NFIB: variants seen among roughly 807,000 people sequenced by gnomAD.
NFIB encodes nuclear factor 1 B-type.
In NFIB, 11 loss-of-function variants were observed where a neutral mutation model predicts 61.5. That is an observed-to-expected ratio of 0.18 (90% CI 0.11 to 0.30). The LOEUF (loss-of-function observed/expected upper bound fraction) is 0.30. Among genes scored for constraint, NFIB ranks in the 10% least tolerant of loss-of-function variants. The pLI is 1.00. For synonymous variants in NFIB, 260 were observed against 216.5 expected (o/e 1.20, Z -1.76); for missense variants, 471 against 608.9 (o/e 0.77, Z 2.38).
chr9:14,440,976 A>C, the NFIB span, among the ~76,000 whole-genome samples: 1 of 152,202 alleles, frequency 6.6e-6, no homozygotes, highest in African/African-American at 2.4e-5. Context: ...TATCATCATT[A>C]TGACAGCCAT....
At chr9:14,173,908 G>C (rs1206401792) in intron 3 of NFIB, among the ~76,000 whole-genome samples, 1 of 152,074 alleles carries the variant, frequency 6.6e-6, no homozygotes, top group African/African-American at 2.4e-5. Flanking sequence ...GTGGAGGCTG[G>C]GCATGGTGCC....
chr9:14,429,526 C>A, the NFIB span, among the ~76,000 whole-genome samples: 1 of 152,238 alleles, frequency 6.6e-6, no homozygotes, highest in Non-Finnish European at 1.5e-5. Flanking sequence ...GATAACATAA[C>A]AGTTAGGAGC....
rs371874282 is a variant in NFIB, at chr9:14,119,503, T to TC, written c.1245+936dup. On this transcript the variant is annotated intron_variant, in intron 8 of 10. Coordinates refer to ENST00000380953, the MANE Select transcript of NFIB (RefSeq NM_001190737.2). ...CAAATTAAGACCAAAGGGATTTTTTTCTCACCTTTCTTTGCTAATTTAAAT... is the reference window on the plus strand; with the variant it reads ...CAAATTAAGACCAAAGGGATTTTTTTCCTCACCTTTCTTTGCTAATTTAAAT... Among the ~76,000 whole-genome samples the TC allele has an allele frequency of 1.8e-3, 222 of 120,778 alleles. 1 individual carries two copies. Among genetic ancestry groups the TC allele is most frequent in the African/African-American group, 8.9e-3 (211 of 23,672 alleles). 79.2% of individuals were successfully genotyped at this position (120,778 alleles called of 152,430 possible).
intron 2 of NFIB, among the ~76,000 whole-genome samples, chr9:14,203,664 C>T (rs1587575283): frequency 1.3e-5 from 2 of 152,324 alleles, no homozygotes; most frequent in Admixed American, 6.5e-5. Context: ...CAAAGGCCAA[C>T]CCTGCTACCA....
At chr9:14,321,371 G>A (rs966040236) in intron 1 of NFIB, among the ~76,000 whole-genome samples, 1 of 152,082 alleles carries the variant, frequency 6.6e-6, no homozygotes, top group Non-Finnish European at 1.5e-5. Flanking sequence ...ACAATAGGAT[G>A]CCACAAATTC....
chr9:14,177,082 G>C (rs2046273077), intron 3 of NFIB, among the ~76,000 whole-genome samples: 1 of 152,144 alleles, frequency 6.6e-6, no homozygotes, highest in Non-Finnish European at 1.5e-5. Context: ...CTTGTATTTG[G>C]TATAACAATT....
the NFIB span, among the ~76,000 whole-genome samples, chr9:14,456,572 A>C: frequency 6.6e-6 from 1 of 152,190 alleles, no homozygotes; most frequent in South Asian, 2.1e-4. Context: ...ATTGGCTCTT[A>C]TTCATATGAA....
At chr9:14,215,946 T>G (rs748510033) in intron 2 of NFIB, among the ~76,000 whole-genome samples, 1 of 152,202 alleles carries the variant, frequency 6.6e-6, no homozygotes, top group Non-Finnish European at 1.5e-5. Flanking sequence ...TTGCTTTATG[T>G]AAATTCTCAG....
intron 1 of NFIB, among the ~76,000 whole-genome samples, chr9:14,386,234 C>T (rs1452217256): frequency 1.3e-5 from 2 of 152,184 alleles, no homozygotes; most frequent in South Asian, 2.1e-4. Context: ...CCTCCTACTC[C>T]TGACTCATAA....
At chr9:14,098,466 T>C (rs1304519215) in intron 10 of NFIB, among the ~76,000 whole-genome samples, 2 of 152,364 alleles carry the variant, frequency 1.3e-5, no homozygotes, top group Middle Eastern at 3.4e-3. Context: ...CATTCAATTA[T>C]ATTGATCTTT....
chr9:14,463,471 A>G, the NFIB span, among the ~76,000 whole-genome samples: 445 of 152,088 alleles, frequency 2.9e-3, 1 homozygote, highest in African/African-American at 0.01. Context: ...TAGGAAAAAA[A>G]AGCCGTTTCT....
At chr9:14,411,219 GT>G in the NFIB span, among the ~76,000 whole-genome samples, 2 of 152,186 alleles carry the variant, frequency 1.3e-5, no homozygotes, top group African/African-American at 2.4e-5. Context: ...AGAAGTTTCA[GT>G]GGACACACAT....
chr9:14,306,049 A>T, intron 2 of NFIB: 1 of 844,842 alleles, frequency 1.2e-6, no homozygotes, highest in Non-Finnish European at 1.7e-6. Flanking sequence ...AAGAAAAATA[A>T]AAATAATAAA....
chr9:14,345,082 G>A (rs1369123117), intron 1 of NFIB, among the ~76,000 whole-genome samples: 1 of 152,246 alleles, frequency 6.6e-6, no homozygotes, highest in East Asian at 1.9e-4. Context: ...TCCTGAGCTC[G>A]GCCTCCCTGG....
chr9:14,329,984 G>A (rs913483417), intron 1 of NFIB, among the ~76,000 whole-genome samples: 5 of 151,916 alleles, frequency 3.3e-5, no homozygotes, highest in East Asian at 2.0e-4. Context: ...TTAGCTGGGC[G>A]TGGGTGGTGG....
intron 6 of NFIB, among the ~76,000 whole-genome samples, chr9:14,130,213 CTCA>C (rs899427400): frequency 1.2e-4 from 18 of 152,082 alleles, no homozygotes; most frequent in Non-Finnish European, 2.2e-4. Flanking sequence ...CAGTATCTTT[CTCA>C]TTGCAAGATC....
the NFIB span, among the ~76,000 whole-genome samples, chr9:14,425,943 G>C: frequency 1.3e-5 from 2 of 152,126 alleles, no homozygotes; most frequent in Non-Finnish European, 2.9e-5. Context: ...GAAGAAAAAC[G>C]AGTCTTCCTT....
intron 10 of NFIB, chr9:14,102,547 G>GCTA: frequency 6.6e-7 from 1 of 1,514,768 alleles, no homozygotes; most frequent in African/African-American, 1.4e-5. Flanking sequence ...TATGGATCGA[G>GCTA]CAGTACTACA....
chr9:14,324,610 AAAGAG>A lies in NFIB; in HGVS notation c.109-17095_109-17091del, dbSNP rs563707058. ...AAAATAGGAAAAGGAATAGGGAAAG[AAAGAG>A]AAAAGTATTTCCTCCATTCTCATGA... On this transcript the variant is annotated intron_variant, in intron 1 of 8. Transcript: ENST00000380934. Among the ~76,000 whole-genome samples the A allele has an allele frequency of 6.3e-3, 956 of 152,270 alleles. 11 individuals carry two copies. The highest frequency in any genetic ancestry group is 0.021 in the African/African-American group (879 of 41,578).
Sources: allele counts gnomAD v4.1 joint callset (sites outside exome capture counted in the v4.1 genomes callset), GRCh38; gene constraint gnomAD v4.1.1; transcripts MANE v1.5; gene names NCBI Gene and HGNC (gene_info 2026-07-23, HGNC 2026-07-21).